The following VAT1L variants were observed in gnomAD, a reference collection of about 807,000 sequenced individuals.
VAT1L encodes the protein vesicle amine transport 1 like.
Under a neutral mutation model 44.1 loss-of-function variants are expected in VAT1L, and 34 were observed. The observed-to-expected ratio is 0.77, with a 90% CI of 0.59 to 1.03. The LOEUF (loss-of-function observed/expected upper bound fraction) is 1.03. Ranked by LOEUF, VAT1L falls within the 50% of genes least tolerant of loss-of-function variation. The pLI is 0.00. For missense variants in VAT1L, 615 were observed against 538.8 expected (o/e 1.14, Z -1.40); for synonymous variants, 253 against 202.2 (o/e 1.25, Z -2.13).
At chr16:77,854,610 G>A (rs896106641) in intron 3 of VAT1L, among the ~76,000 whole-genome samples, 1 of 152,152 alleles carries the variant, frequency 6.6e-6, no homozygotes, top group Non-Finnish European at 1.5e-5. Flanking sequence ...ATAATTTTCA[G>A]TTATTTTTGC....
intron 7 of VAT1L, among the ~76,000 whole-genome samples, chr16:77,951,753 CG>C (rs1312327116): frequency 2.0e-5 from 3 of 151,458 alleles, no homozygotes; most frequent in South Asian, 2.1e-4. Context: ...GAAAGGACTT[CG>C]GGGTGGCTGA....
intron 7 of VAT1L, among the ~76,000 whole-genome samples, chr16:77,892,210 C>A (rs375457): frequency 0.87 from 132,489 of 152,166 alleles, 58,741 homozygotes; most frequent in Non-Finnish European, 0.95. Flanking sequence ...GAGAGGATGA[C>A]TGAGGCCAAG....
chr16:77,927,272 A>G (rs1437732207), intron 7 of VAT1L, among the ~76,000 whole-genome samples: 1 of 149,926 alleles, frequency 6.7e-6, no homozygotes, highest in African/African-American at 2.5e-5. Context: ...TGGGAGGCAG[A>G]GCTTGCAGTG....
At chr16:77,858,542 G>T (rs928303870) in intron 3 of VAT1L, among the ~76,000 whole-genome samples, 5 of 152,310 alleles carry the variant, frequency 3.3e-5, no homozygotes, top group Middle Eastern at 6.8e-3. Context: ...AGTAAACCTA[G>T]ACTGTGTAGA....
intron 7 of VAT1L, among the ~76,000 whole-genome samples, chr16:77,941,457 C>G (rs1315504763): frequency 2.6e-5 from 4 of 152,172 alleles, no homozygotes; most frequent in Admixed American, 6.5e-5. Flanking sequence ...TGATTTCAAG[C>G]TATCAACCAG....
At position 77,928,488 on chromosome 16, in the gene VAT1L, G is replaced by A. The variant is rs751590092; in HGVS notation, c.1078-43362G>A. Reference sequence around the variant, plus strand: ...TTTTTCATAACACTATCCTGTGAGAGACAAAAGTCATAGCTGAATCTTCCA... The same window carrying A: ...TTTTTCATAACACTATCCTGTGAGAAACAAAAGTCATAGCTGAATCTTCCA... On this transcript the variant is annotated intron_variant, in intron 7 of 8. Coordinates refer to ENST00000302536, the MANE Select transcript of VAT1L (RefSeq NM_020927.3). Among the ~76,000 whole-genome samples the A allele has an allele frequency of 3.3e-5, 5 of 152,148 alleles. No individual in the cohort carries two copies. The East Asian group carries it at 9.6e-4, about 29-fold the overall frequency.
intron 4 of VAT1L, among the ~76,000 whole-genome samples, chr16:77,874,304 G>A (rs965521537): frequency 3.3e-5 from 5 of 152,008 alleles, no homozygotes; most frequent in Admixed American, 1.3e-4. Flanking sequence ...CCCCACTCTC[G>A]CAAGAGTGAG....
At chr16:77,901,187 A>C (rs2017378895) in intron 7 of VAT1L, among the ~76,000 whole-genome samples, 1 of 107,810 alleles carries the variant, frequency 9.3e-6, no homozygotes. Context: ...TTTTTTTAAG[A>C]CAGTCTTGCT....
At chr16:77,957,494 A>G (rs1234862941) in intron 7 of VAT1L, among the ~76,000 whole-genome samples, 1 of 152,168 alleles carries the variant, frequency 6.6e-6, no homozygotes, top group African/African-American at 2.4e-5. Context: ...TGGGCAGCCA[A>G]GGCGGGTAGA....
At position 77,796,637 on chromosome 16, in the gene VAT1L, G is replaced by A. The variant is rs1024722588; in HGVS notation, c.233+7722G>A. Among the ~76,000 whole-genome samples, 8 of 152,142 alleles carry A rather than the reference G, an allele frequency of 5.3e-5. No individual in the cohort carries two copies. The East Asian group carries it at 5.8e-4, about 11-fold the overall frequency. ...GCTAAGTGTCTGTAGCAGTCTTGACGGTGCCTTGCACATGGTGGCACTCAA... is the reference window on the plus strand; with the variant it reads ...GCTAAGTGTCTGTAGCAGTCTTGACAGTGCCTTGCACATGGTGGCACTCAA... On this transcript the variant is annotated intron_variant, in intron 1 of 8. Transcript: ENST00000302536.
chr16:77,883,532 T>G (rs896778849), intron 6 of VAT1L, among the ~76,000 whole-genome samples: 1 of 152,224 alleles, frequency 6.6e-6, no homozygotes, highest in African/African-American at 2.4e-5. Flanking sequence ...TATTCTTTGC[T>G]GTGAATATTC....
At chr16:77,912,392 G>C (rs750766013) in intron 7 of VAT1L, among the ~76,000 whole-genome samples, 27 of 151,950 alleles carry the variant, frequency 1.8e-4, no homozygotes, top group Non-Finnish European at 3.7e-4. Flanking sequence ...TGTTAATAAT[G>C]GTTGAGGCTG....
chr16:77,889,849 G>T (rs567368959), intron 7 of VAT1L, among the ~76,000 whole-genome samples: 6 of 152,228 alleles, frequency 3.9e-5, no homozygotes, highest in Non-Finnish European at 8.8e-5. Flanking sequence ...CACTTTGGGA[G>T]GCTGAGGCAA....
At chr16:77,970,506 T>C (rs75796760) in intron 7 of VAT1L, among the ~76,000 whole-genome samples, 441 of 152,364 alleles carry the variant, frequency 2.9e-3, no homozygotes, top group African/African-American at 0.01. Flanking sequence ...AATTCTGCTA[T>C]GTAGTCTTTG....
At chr16:77,871,354 G>A (rs1217928566) in intron 4 of VAT1L, among the ~76,000 whole-genome samples, 1 of 152,070 alleles carries the variant, frequency 6.6e-6, no homozygotes, top group Non-Finnish European at 1.5e-5. Flanking sequence ...CGAGAGAGAG[G>A]CATGGACGGG....
At chr16:77,825,826 C>G (rs1408933409) in intron 3 of VAT1L, among the ~76,000 whole-genome samples, 1 of 148,758 alleles carries the variant, frequency 6.7e-6, no homozygotes, top group Middle Eastern at 3.4e-3. Flanking sequence ...ACCATCCTGG[C>G]TAACACGGTG....
intron 1 of VAT1L, among the ~76,000 whole-genome samples, chr16:77,809,792 A>G (rs149558737): frequency 8.9e-4 from 136 of 152,322 alleles, no homozygotes; most frequent in African/African-American, 3.2e-3. Flanking sequence ...TAGAATCATG[A>G]GAGCTCCAGA....
Position 77,897,986 on chromosome 16 carries a change from T to C in VAT1L, c.1077+13184T>C, listed in dbSNP as rs79536198. ...TGTGTTGTCTCAGCGTTCTGGAGGC[T>C]GGAAGTGTAAAGATCAAAGTGTCTG... On this transcript the variant is annotated intron_variant, in intron 7 of 8. Coordinates refer to ENST00000302536, the MANE Select transcript of VAT1L (RefSeq NM_020927.3). Among the ~76,000 whole-genome samples, 69 of 152,354 alleles carry C rather than the reference T, an allele frequency of 4.5e-4. 1 individual carries two copies. In the East Asian group the frequency reaches 0.013, roughly 28 times the overall value.
intron 7 of VAT1L, among the ~76,000 whole-genome samples, chr16:77,897,139 G>T (rs28488159): frequency 0.083 from 12,685 of 152,174 alleles, 1,795 homozygotes; most frequent in African/African-American, 0.29. Flanking sequence ...TGCAGACCAA[G>T]ATTCTTGAAT....
Sources: allele counts gnomAD v4.1 joint callset (sites outside exome capture counted in the v4.1 genomes callset), GRCh38; gene constraint gnomAD v4.1.1; transcripts MANE v1.5; gene names NCBI Gene and HGNC (gene_info 2026-07-23, HGNC 2026-07-21).